Variants in COL6A2 observed in about 807,000 individuals in gnomAD.
The protein encoded by COL6A2 is collagen type VI alpha 2 chain.
COL6A2 carries 90 observed loss-of-function variants against 124.9 expected under a neutral mutation model. That is an observed-to-expected ratio of 0.72 (90% CI 0.61 to 0.86). The LOEUF is 0.86. Ranked by LOEUF, COL6A2 falls within the 40% of genes least tolerant of loss-of-function variation. COL6A2 has a pLI of 0.00. For synonymous variants in COL6A2, 793 were observed against 618.2 expected, an observed-to-expected ratio of 1.28 and a Z score of -4.19; for missense variants, 1,607 against 1,502.5, an observed-to-expected ratio of 1.07 and a Z score of -1.15.
chr21:46,111,960 CA>C lies in COL6A2; in HGVS notation c.116-18del, dbSNP rs777207904. On this transcript the variant is annotated intron_variant, in intron 2 of 27. Transcript: ENST00000300527. ...AGTCCCTCCTGAGGCTGGCTCGTGA[CA>C]GGTCCTGTGCCCCACAGAGAAGACC... 2 of 1,607,902 alleles carry C rather than the reference CA, an allele frequency of 1.2e-6. No individual in the cohort carries two copies. The highest frequency in any genetic ancestry group is 2.2e-5 in the South Asian group (2 of 91,032).
intron 27 of COL6A2, chr21:46,128,816 G>C: frequency 9.3e-7 from 1 of 1,075,730 alleles, no homozygotes; most frequent in Admixed American, 1.7e-5. Context: ...TTTCTCAGGC[G>C]GGCTCTTGAG....
chr21:46,120,602 C>A (rs1318159030), intron 16 of COL6A2, 25 bp downstream of exon 16: 2 of 1,449,604 alleles, frequency 1.4e-6, no homozygotes, highest in South Asian at 2.9e-5. Flanking sequence ...TGGGCCGCAC[C>A]CCAAGGTAGG....
At chr21:46,117,811 C>T in intron 11 of COL6A2, 63 bp from the exon 12 acceptor site, 1 of 1,536,730 alleles carries the variant, frequency 6.5e-7, no homozygotes, top group South Asian at 1.2e-5. Flanking sequence ...GCACTTGGGC[C>T]CTGGCTCATG....
chr21:46,127,515 T>G (rs765174326), intron 27 of COL6A2, among the ~76,000 whole-genome samples: 24 of 152,108 alleles, frequency 1.6e-4, no homozygotes, highest in Non-Finnish European at 2.8e-4. Flanking sequence ...GGGCAGCCTC[T>G]GGCCCCACAA....
Position 46,125,287 on chromosome 21 carries a change from G to A in COL6A2, c.1792G>A (p.Val598Met), listed in dbSNP as rs149731632. 4.1e-5 allele frequency: 66 copies of A among 1,611,968 alleles called. No individual in the cohort carries two copies. Among genetic ancestry groups the A allele is most frequent in the South Asian group, 1.6e-4 (15 of 90,916 alleles). ...GCAGGAGTGTGACGTCATGACCTAC[G>A]TGAGGGAGACCTGCGGGTGCTGCGG... ...GLTECDVMTYVRETCGCCDCE... is the reference protein window; with the variant it reads ...GLTECDVMTYMRETCGCCDCE... Residue 598 changes from valine (V) to methionine (M), a missense_variant, in exon 24 of 28, where the codon GTG becomes ATG. Val to Met is a conservative substitution (Grantham distance 21). Transcript: ENST00000300527.
intron 1 of COL6A2, among the ~76,000 whole-genome samples, chr21:46,104,999 TACC>T (rs2078322110): frequency 6.6e-6 from 1 of 152,212 alleles, no homozygotes; most frequent in African/African-American, 2.4e-5. Flanking sequence ...GAATGTTCCT[TACC>T]ACTAGACCTG....
chr21:46,125,151 C>T, intron 23 of COL6A2, 115 bp from the exon 24 acceptor site: 1 of 1,126,458 alleles, frequency 8.9e-7, no homozygotes, highest in South Asian at 1.3e-5. Context: ...AGCCTCCCCG[C>T]ATGGCTGCCT....
chr21:46,121,638 C>T lies in COL6A2; in HGVS notation c.1521+20C>T, dbSNP rs758226427. The T allele has an allele frequency of 3.7e-6, 6 of 1,611,920 alleles. No individual in the cohort carries two copies. Among genetic ancestry groups the T allele is most frequent in the African/African-American group, 1.3e-5 (1 of 74,914 alleles). Reference sequence around the variant, plus strand: ...CCCAAGGTACGTGCCCCTCCCCCAGCAGGACGTATTAGGGGTTCGGGGCAG... The same window carrying T: ...CCCAAGGTACGTGCCCCTCCCCCAGTAGGACGTATTAGGGGTTCGGGGCAG... On this transcript the variant is annotated intron_variant, in intron 18 of 27. Coordinates refer to ENST00000300527, the MANE Select transcript of COL6A2 (RefSeq NM_001849.4).
At position 46,117,424 on chromosome 21, in the gene COL6A2, C is replaced by T. The variant is rs570110933; in HGVS notation, c.1024C>T (p.Pro342Ser). The change falls in exon 11 of 28, where the codon CCT (proline) becomes TCT (serine). Residue 342 changes from proline to serine, a missense_variant. Physicochemically the swap from Pro to Ser is moderately conservative, Grantham distance 74 (BLOSUM62 -1). Around this residue, in one of 3 missense-constraint regions of COL6A2, gnomAD observed 1,223 missense variants for 1,052.2 expected, o/e 1.16. Transcript: ENST00000300527. ...GGGCAAGCTGGGGCGCATCGGACCT[C>T]CTGGCTGCAAGGGAGACCCTGGAAA... ...QKGKLGRIGPPGCKGDPGNRG... is the reference protein window; with the variant it reads ...QKGKLGRIGPSGCKGDPGNRG... 6.2e-7 allele frequency: 1 copy of T among 1,612,822 alleles called. No homozygotes were observed. Among genetic ancestry groups the T allele is most frequent in the Admixed American group, 1.7e-5 (1 of 60,014 alleles).
chr21:46,121,667 C>G, intron 18 of COL6A2, 49 bp downstream of exon 18: 1 of 1,592,858 alleles, frequency 6.3e-7, no homozygotes, highest in Non-Finnish European at 8.6e-7. Context: ...GGGGCAGCTG[C>G]CTGAGGAGCA....
At position 46,116,593 on chromosome 21, in the gene COL6A2, C is replaced by T. The variant is rs1342330786; in HGVS notation, c.928-58C>T. On this transcript the variant is annotated intron_variant, in intron 8 of 27. Coordinates refer to ENST00000300527, the MANE Select transcript of COL6A2 (RefSeq NM_001849.4). The surrounding 1 kb of genome is among the most constrained non-coding windows in gnomAD (Gnocchi z 4.6). ...CAAGGGCTTTGCCCCCCAGAGGCAGCAGTGCCCATGATGCTTTGAGGCACC... is the reference window on the plus strand; with the variant it reads ...CAAGGGCTTTGCCCCCCAGAGGCAGTAGTGCCCATGATGCTTTGAGGCACC... 1.6e-5 allele frequency: 26 copies of T among 1,610,118 alleles called. No individual in the cohort carries two copies. Among genetic ancestry groups the T allele is most frequent in the Non-Finnish European group, 2.0e-5 (24 of 1,177,870 alleles).
In COL6A2 at chr21:46,112,754, C is replaced by T. The variant is rs1045225919; in HGVS notation, c.715-50C>T. 10 of 1,613,378 alleles carry T rather than the reference C, an allele frequency of 6.2e-6. No individual in the cohort carries two copies. In the East Asian group the frequency reaches 1.6e-4, roughly 25 times the overall value. ...CCCACCCAGACTCGAGGTGCAGCCG[C>T]CCCAGGTCTCGAGGCACACGGCTAA... On this transcript the variant is annotated intron_variant, in intron 3 of 27. Coordinates refer to ENST00000300527, the MANE Select transcript of COL6A2 (RefSeq NM_001849.4).
intron 11 of COL6A2, 141 bp downstream of exon 11, chr21:46,117,594 G>A: frequency 1.1e-6 from 1 of 910,636 alleles, no homozygotes; most frequent in Non-Finnish European, 1.7e-6. Flanking sequence ...CCCCAGCCCA[G>A]CATTCTGCCG....
intron 27 of COL6A2, among the ~76,000 whole-genome samples, chr21:46,131,506 C>T (rs2078759480): frequency 1.3e-5 from 2 of 152,216 alleles, no homozygotes; most frequent in Non-Finnish European, 2.9e-5. Context: ...GTGTTCTGAG[C>T]AGCTCTGGGA....
Position 46,125,283 on chromosome 21 carries a change from C to T in COL6A2, c.1788C>T (p.Thr596=), listed in dbSNP as rs1227692388. ...CATTGCAGGAGTGTGACGTCATGAC[C>T]TACGTGAGGGAGACCTGCGGGTGCT... The part of the protein sequence containing the change: ...DPGLTECDVM[T]YVRETCGCCD... The change falls in exon 24 of 28, where the codon ACC becomes ACT. Residue 596 remains threonine, a synonymous_variant. Transcript: ENST00000300527. 7.4e-6 allele frequency: 12 copies of T among 1,612,194 alleles called. No individual in the cohort carries two copies. Among genetic ancestry groups the T allele is most frequent in the South Asian group, 2.2e-5 (2 of 90,916 alleles).
chr21:46,123,853 G>C lies in COL6A2; in HGVS notation c.1672-798G>C, dbSNP rs534519176. ...GTGCATAAAGGATGGATGGATGAAT[G>C]AGTTAGTGGGTTGGCAGATGGATGG... On this transcript the variant is annotated intron_variant, in intron 21 of 27. Transcript: ENST00000300527. 1.3e-4 allele frequency among the ~76,000 whole-genome samples: 12 copies of C among 95,554 alleles called. No individual in the cohort carries two copies. The South Asian group carries it at 3.0e-3, about 24-fold the overall frequency. 62.7% of individuals were successfully genotyped at this position (95,554 alleles called of 152,430 possible). A position where few individuals can be genotyped will look rare whatever the true frequency, so the allele number is the denominator to read the frequency against.
At chr21:46,106,435 T>C (rs2078335961) in intron 1 of COL6A2, among the ~76,000 whole-genome samples, 1 of 152,002 alleles carries the variant, frequency 6.6e-6, no homozygotes, top group East Asian at 1.9e-4. Flanking sequence ...TCTGTTGGAG[T>C]GGGGATGGTA....
chr21:46,112,296 A>T lies in COL6A2; in HGVS notation c.433A>T (p.Ile145Phe). 1 of 1,612,428 alleles carries T rather than the reference A, an allele frequency of 6.2e-7. No individual in the cohort carries two copies. The highest frequency in any genetic ancestry group is 8.5e-7 in the Non-Finnish European group (1 of 1,179,846). Residue 145 changes from isoleucine (I) to phenylalanine (F), a missense_variant, in exon 3 of 28, where the codon ATC becomes TTC. Coordinates refer to ENST00000300527, the MANE Select transcript of COL6A2 (RefSeq NM_001849.4). ...DCALANMTEQ[I>F]RQDRSKGTVH... ...CGCGCTGGCCAACATGACGGAGCAGATCCGGCAGGACCGCAGCAAGGGCAC... is the reference window on the plus strand; with the variant it reads ...CGCGCTGGCCAACATGACGGAGCAGTTCCGGCAGGACCGCAGCAAGGGCAC...
At chr21:46,119,727 C>CTCCACAGGCTCTGGGCTTGGACT in intron 14 of COL6A2, 61 bp from the exon 15 acceptor site, 1 of 1,476,258 alleles carries the variant, frequency 6.8e-7, no homozygotes, top group Admixed American at 2.0e-5. Context: ...AGCCCCCACC[C>CTCCACAGGCTCTGGGCTTGGACT]TCCACAGGCT....
Sources: allele counts gnomAD v4.1 joint callset (sites outside exome capture counted in the v4.1 genomes callset), GRCh38; gene constraint gnomAD v4.1.1; regional missense constraint gnomAD v4.1.1; non-coding constraint Gnocchi (gnomAD v3.1); transcripts MANE v1.5; gene names NCBI Gene and HGNC (gene_info 2026-07-23, HGNC 2026-07-21).